The following NPSR1 variants were observed in gnomAD, a reference collection of about 807,000 sequenced individuals.
The protein encoded by NPSR1 is neuropeptide S receptor.
Under a neutral mutation model 46.9 loss-of-function variants are expected in NPSR1, and 48 were observed. That is an observed-to-expected ratio of 1.02 (90% CI 0.81 to 1.30). The LOEUF (loss-of-function observed/expected upper bound fraction) is 1.30, where lower values mean the gene tolerates loss of function less well. Among genes scored for constraint, NPSR1 ranks in the 50% most tolerant of loss-of-function variants. The pLI, the probability that NPSR1 is intolerant of heterozygous loss-of-function variation, is 0.00. For missense variants in NPSR1, 450 were observed against 449.5 expected (o/e 1.00, Z -0.01); for synonymous variants, 176 against 168.1 (o/e 1.05, Z -0.36).
At chr7:34,790,717 ATATAT>A (rs1787711337) in intron 3 of NPSR1, among the ~76,000 whole-genome samples, 1 of 127,896 alleles carries the variant, frequency 7.8e-6, no homozygotes, top group African/African-American at 2.9e-5. Flanking sequence ...GTTATATATA[ATATAT>A]GTTATATGTT....
chr7:34,779,540 C>A, intron 3 of NPSR1: 1 of 1,121,300 alleles, frequency 8.9e-7, no homozygotes, highest in South Asian at 2.2e-5. Context: ...TTATTATTTT[C>A]AGGTCATGGT....
Position 34,708,888 on chromosome 7 carries a change from C to T in NPSR1, c.280+24204C>T, listed in dbSNP as rs183620232. Reference sequence around the variant, plus strand: ...AGTGGTGAGCAGTAAACTTCAGGACCTTTAAAGTTATCATTGCTTTCACCC... The same window carrying T: ...AGTGGTGAGCAGTAAACTTCAGGACTTTTAAAGTTATCATTGCTTTCACCC... On this transcript the variant is annotated intron_variant, in intron 2 of 8. Coordinates refer to ENST00000360581, the MANE Select transcript of NPSR1 (RefSeq NM_207172.2). Among the ~76,000 whole-genome samples the T allele has an allele frequency of 1.6e-4, 24 of 152,232 alleles. No homozygotes were observed. The East Asian group carries it at 4.3e-3, about 27-fold the overall frequency.
chr7:34,809,818 G>T (rs185396805), intron 3 of NPSR1, among the ~76,000 whole-genome samples: 67 of 152,048 alleles, frequency 4.4e-4, no homozygotes, highest in African/African-American at 1.5e-3. Flanking sequence ...AGTGTGTTTT[G>T]TTCCCCTCTA....
chr7:34,689,621 A>AAAG lies in NPSR1; in HGVS notation c.280+4939_280+4940insGAA, dbSNP rs1237287734. Among the ~76,000 whole-genome samples, 135 of 113,834 alleles carry AAAG rather than the reference A, an allele frequency of 1.2e-3. 3 individuals carry two copies. The highest frequency in any genetic ancestry group is 5.1e-3 in the African/African-American group (116 of 22,694). 74.7% of individuals were successfully genotyped at this position (113,834 alleles called of 152,430 possible). On this transcript the variant is annotated intron_variant, in intron 2 of 8. Transcript: ENST00000360581. ...CTCTGTCTCAAAAAAAAAAAAAAAA[A>AAAG]AAAAAAAAAAAAAGAAAAGAAAAGA...
At chr7:34,861,182 T>C (rs1430288731) in intron 8 of NPSR1, among the ~76,000 whole-genome samples, 1 of 151,948 alleles carries the variant, frequency 6.6e-6, no homozygotes, top group African/African-American at 2.4e-5. Context: ...ATTGCTTGAA[T>C]TGAGGAAGAG....
intron 2 of NPSR1, among the ~76,000 whole-genome samples, chr7:34,722,804 A>G (rs2128708613): frequency 6.6e-6 from 1 of 152,346 alleles, no homozygotes; most frequent in Middle Eastern, 3.4e-3. Context: ...CAGCATCAAC[A>G]TGGAGGGAAG....
chr7:34,810,345 C>T (rs1788919812), intron 3 of NPSR1, among the ~76,000 whole-genome samples: 1 of 152,200 alleles, frequency 6.6e-6, no homozygotes, highest in African/African-American at 2.4e-5. Context: ...CATTTAATCA[C>T]ATTCTAAATA....
In NPSR1 at chr7:34,763,679, G is replaced by A. The variant is rs185067530; in HGVS notation, c.281-14783G>A. On this transcript the variant is annotated intron_variant, in intron 2 of 8. Coordinates refer to ENST00000360581, the MANE Select transcript of NPSR1 (RefSeq NM_207172.2). ...GGAAATGGATATTCTTCAGGTAGAGGTGTATAAAGAGCTTCCCACACCAAT... is the reference window on the plus strand; with the variant it reads ...GGAAATGGATATTCTTCAGGTAGAGATGTATAAAGAGCTTCCCACACCAAT... 3.9e-5 allele frequency among the ~76,000 whole-genome samples: 6 copies of A among 152,266 alleles called. No individual in the cohort carries two copies. The East Asian group carries it at 1.2e-3, about 29-fold the overall frequency.
At chr7:34,795,646 T>C (rs1788138938) in intron 3 of NPSR1, among the ~76,000 whole-genome samples, 1 of 152,126 alleles carries the variant, frequency 6.6e-6, no homozygotes, top group African/African-American at 2.4e-5. Context: ...TAAAAAACAA[T>C]ATTATCTGCA....
intron 2 of NPSR1, among the ~76,000 whole-genome samples, chr7:34,703,043 C>T (rs1793914277): frequency 6.6e-6 from 1 of 152,210 alleles, no homozygotes; most frequent in Admixed American, 6.5e-5. Context: ...GATACTTAGC[C>T]AGCTACTGGT....
At chr7:34,700,089 G>C (rs1562661272) in intron 2 of NPSR1, among the ~76,000 whole-genome samples, 1 of 152,132 alleles carries the variant, frequency 6.6e-6, no homozygotes, top group Non-Finnish European at 1.5e-5. Context: ...AGTAAGGGAA[G>C]GAAAATAACT....
intron 2 of NPSR1, among the ~76,000 whole-genome samples, chr7:34,767,786 A>C (rs540109052): frequency 6.6e-6 from 1 of 152,176 alleles, no homozygotes; most frequent in Non-Finnish European, 1.5e-5. Flanking sequence ...AAGCAGAATA[A>C]ATTTTAAAAA....
At chr7:34,793,968 C>T (rs1788055977) in intron 3 of NPSR1, among the ~76,000 whole-genome samples, 1 of 152,068 alleles carries the variant, frequency 6.6e-6, no homozygotes, top group Admixed American at 6.6e-5. Context: ...AAGCTACACA[C>T]AGAAAGAAAA....
chr7:34,770,614 G>C (rs1483822339), intron 2 of NPSR1, among the ~76,000 whole-genome samples: 1 of 152,112 alleles, frequency 6.6e-6, no homozygotes, highest in Non-Finnish European at 1.5e-5. Flanking sequence ...CTGGAAAATG[G>C]GGGGAGGGTA....
chr7:34,680,638 C>A (rs1228650836), intron 1 of NPSR1, among the ~76,000 whole-genome samples: 1 of 152,074 alleles, frequency 6.6e-6, no homozygotes, highest in African/African-American at 2.4e-5. Context: ...TACATGAGAT[C>A]AATAAATCGC....
chr7:34,686,016 T>G (rs1033230168), intron 2 of NPSR1: 17 of 171,202 alleles, frequency 9.9e-5, no homozygotes, highest in Admixed American at 6.0e-5. Context: ...TTTCATTATA[T>G]TTCTTCGATT....
At chr7:34,668,269 G>A (rs1791856658) in intron 1 of NPSR1, among the ~76,000 whole-genome samples, 1 of 152,116 alleles carries the variant, frequency 6.6e-6, no homozygotes, top group Non-Finnish European at 1.5e-5. Context: ...TCAAATGCAG[G>A]TTTCTCATCT....
chr7:34,709,792 A>G (rs1783183491), intron 2 of NPSR1, among the ~76,000 whole-genome samples: 1 of 152,232 alleles, frequency 6.6e-6, no homozygotes, highest in African/African-American at 2.4e-5. Context: ...TGAATGAATG[A>G]AAGATGAATA....
At chr7:34,811,320 C>A (rs1195564308) in intron 3 of NPSR1, among the ~76,000 whole-genome samples, 2 of 151,950 alleles carry the variant, frequency 1.3e-5, no homozygotes, top group African/African-American at 4.8e-5. Flanking sequence ...CTGTCCAGGG[C>A]CATTCTCCTG....
Sources: allele counts gnomAD v4.1 joint callset (sites outside exome capture counted in the v4.1 genomes callset), GRCh38; gene constraint gnomAD v4.1.1; transcripts MANE v1.5; gene names NCBI Gene and HGNC (gene_info 2026-07-23, HGNC 2026-07-21).